Variants in KATNIP observed in about 807,000 individuals in gnomAD.
KATNIP encodes the protein katanin-interacting protein.
Under a neutral mutation model 174.0 loss-of-function variants are expected in KATNIP, and 126 were observed. The ratio of observed to expected loss-of-function variants is 0.72; its 90% CI spans 0.63 to 0.84. The LOEUF is 0.84. Ranked by LOEUF, KATNIP falls within the 40% of genes least tolerant of loss-of-function variation. The pLI, the probability that KATNIP is intolerant of heterozygous loss-of-function variation, is 0.00. For synonymous variants in KATNIP, 810 were observed against 835.7 expected (o/e 0.97, Z 0.53); for missense variants, 1,958 against 2,109.7 (o/e 0.93, Z 1.41).
intron 13 of KATNIP, among the ~76,000 whole-genome samples, chr16:27,716,587 TG>T (rs2079948625): frequency 6.6e-6 from 1 of 152,232 alleles, no homozygotes; most frequent in African/African-American, 2.4e-5. Context: ...ATTGGTATAA[TG>T]TACAGACCTT....
intron 2 of KATNIP, among the ~76,000 whole-genome samples, chr16:27,606,505 A>G (rs1397111032): frequency 6.6e-6 from 1 of 151,592 alleles, no homozygotes; most frequent in East Asian, 2.0e-4. Flanking sequence ...ACACAGACAC[A>G]CACACACATA....
chr16:27,573,389 A>C (rs1392944303), intron 1 of KATNIP, among the ~76,000 whole-genome samples: 2 of 152,254 alleles, frequency 1.3e-5, no homozygotes, highest in Non-Finnish European at 2.9e-5. Context: ...GCTCCCCCAG[A>C]AAAGCAGTAA....
chr16:27,607,536 C>T (rs764960407), intron 2 of KATNIP, among the ~76,000 whole-genome samples: 3 of 150,388 alleles, frequency 2.0e-5, no homozygotes, highest in East Asian at 2.0e-4. Flanking sequence ...AGGGAGGCAG[C>T]GGGGAATCAA....
intron 13 of KATNIP, among the ~76,000 whole-genome samples, chr16:27,713,813 TA>T (rs2079772941): frequency 2.9e-4 from 6 of 20,700 alleles, no homozygotes; most frequent in East Asian, 1.5e-3. Context: ...TATATACATA[TA>T]TATATATATA....
In KATNIP at chr16:27,721,905, T is replaced by C. The variant is rs141770667; in HGVS notation, c.1743+210T>C. Among the ~76,000 whole-genome samples, 111 of 152,294 alleles carry C rather than the reference T, an allele frequency of 7.3e-4. No individual in the cohort carries two copies. In the Middle Eastern group the frequency reaches 0.01, roughly 14 times the overall value. ...CGGCTGCTGGTGTTGGGAGGTGGTA[T>C]CAGGCCACCCTTGGGGGAACTGGAA... On this transcript the variant is annotated intron_variant, in intron 14 of 27. Coordinates refer to ENST00000261588, the MANE Select transcript of KATNIP (RefSeq NM_015202.5).
rs890513563 is a variant in KATNIP, at chr16:27,778,673, C to T, written c.*44C>T. ...CTGGTCCTCCCACTATGGTGGGCTCCGTCAGCAGCCCCACTCAGTGCCTGC... is the reference window on the plus strand; with the variant it reads ...CTGGTCCTCCCACTATGGTGGGCTCTGTCAGCAGCCCCACTCAGTGCCTGC... On this transcript the variant is annotated 3_prime_UTR_variant, in exon 28 of 28. Transcript: ENST00000261588. 1.3e-5 allele frequency: 21 copies of T among 1,579,248 alleles called. No homozygotes were observed. Among genetic ancestry groups the T allele is most frequent in the East Asian group, 2.2e-5 (1 of 44,466 alleles).
chr16:27,753,052 G>A (rs2081577490), intron 17 of KATNIP, among the ~76,000 whole-genome samples: 1 of 152,116 alleles, frequency 6.6e-6, no homozygotes, highest in African/African-American at 2.4e-5. Flanking sequence ...GGTGTTCCCT[G>A]GGGATTGTAC....
intron 6 of KATNIP, among the ~76,000 whole-genome samples, chr16:27,677,437 C>T (rs1336491693): frequency 5.9e-5 from 9 of 152,074 alleles, no homozygotes; most frequent in Admixed American, 5.9e-4. Context: ...TTGTCTGTTT[C>T]TCTCTCCCTC....
chr16:27,712,390 G>A (rs2079613308), intron 13 of KATNIP, among the ~76,000 whole-genome samples: 1 of 152,078 alleles, frequency 6.6e-6, no homozygotes, highest in Non-Finnish European at 1.5e-5. Flanking sequence ...GCCACAGCCT[G>A]GTGCATCGCC....
In KATNIP at chr16:27,628,730, T is replaced by C. The variant is rs1206849272; in HGVS notation, c.210T>C (p.Ser70=). 6.2e-7 allele frequency: 1 copy of C among 1,614,030 alleles called. No individual in the cohort carries two copies. Among genetic ancestry groups the C allele is most frequent in the East Asian group, 2.2e-5 (1 of 44,890 alleles). ...LRLEHLEQGF[S]VYVNGANSEL... ...TGGAGCACTTGGAGCAAGGTTTCTC[T>C]GTCTATGTCAACGGTGCCAATTCGG... Residue 70 remains serine (S), a synonymous_variant, in exon 4 of 28, where the codon TCT becomes TCC. Coordinates refer to ENST00000261588, the MANE Select transcript of KATNIP (RefSeq NM_015202.5).
At chr16:27,770,079 A>G (rs920981513) in intron 21 of KATNIP, 61 bp downstream of exon 21, 6 of 1,569,560 alleles carry the variant, frequency 3.8e-6, no homozygotes, top group South Asian at 1.1e-5. Context: ...CTTGCTTTGC[A>G]AGTTGCTCTG....
intron 1 of KATNIP, among the ~76,000 whole-genome samples, chr16:27,568,518 G>A (rs1243123138): frequency 6.6e-6 from 1 of 152,088 alleles, no homozygotes; most frequent in Non-Finnish European, 1.5e-5. Flanking sequence ...CCAGGCTGGA[G>A]TAGTGGTGCA....
intron 16 of KATNIP, 107 bp downstream of exon 16, chr16:27,750,413 CTCTT>C: frequency 3.1e-6 from 3 of 965,752 alleles, no homozygotes; most frequent in Admixed American, 2.5e-5. Flanking sequence ...TCAGTCCTTT[CTCTT>C]TCTTTTTTTT....
intron 22 of KATNIP, among the ~76,000 whole-genome samples, chr16:27,772,352 G>A (rs980421356): frequency 7.9e-5 from 12 of 152,218 alleles, no homozygotes; most frequent in African/African-American, 2.9e-4. Context: ...GCACAGGTGG[G>A]AAGGGGTAGG....
chr16:27,692,681 T>C (rs1455938360), intron 8 of KATNIP, among the ~76,000 whole-genome samples: 3 of 152,202 alleles, frequency 2.0e-5, no homozygotes, highest in African/African-American at 7.2e-5. Context: ...TCTTCCCAGA[T>C]GGTACATCTC....
chr16:27,676,623 A>G (rs1490540585), intron 6 of KATNIP, among the ~76,000 whole-genome samples: 2 of 152,194 alleles, frequency 1.3e-5, no homozygotes, highest in African/African-American at 4.8e-5. Context: ...TACAAGGGGT[A>G]GTATAGCTAG....
intron 1 of KATNIP, among the ~76,000 whole-genome samples, chr16:27,571,095 C>T (rs1321551892): frequency 2.0e-5 from 3 of 152,146 alleles, no homozygotes; most frequent in Non-Finnish European, 2.9e-5. Flanking sequence ...TCCAGTGGTG[C>T]GATCTCGGCT....
intron 6 of KATNIP, among the ~76,000 whole-genome samples, chr16:27,666,280 T>C (rs1597109630): frequency 6.6e-6 from 1 of 152,256 alleles, no homozygotes; most frequent in African/African-American, 2.4e-5. Flanking sequence ...TTAAAATTCA[T>C]GGCAGTAAGA....
chr16:27,710,030 G>A (rs906460475), intron 13 of KATNIP, among the ~76,000 whole-genome samples: 6 of 152,074 alleles, frequency 3.9e-5, no homozygotes, highest in Admixed American at 6.5e-5. Flanking sequence ...GTCGTGAGGT[G>A]CACACTCCAC....
Sources: allele counts gnomAD v4.1 joint callset (sites outside exome capture counted in the v4.1 genomes callset), GRCh38; gene constraint gnomAD v4.1.1; transcripts MANE v1.5; gene names NCBI Gene and HGNC (gene_info 2026-07-23, HGNC 2026-07-21).